The following CSMD1 variants were observed in gnomAD, a reference collection of about 807,000 sequenced individuals.
CSMD1 encodes the protein CUB and sushi domain-containing protein 1.
A neutral mutation model predicts 417.5 loss-of-function variants in CSMD1; 213 were observed. The observed-to-expected ratio is 0.51, with a 90% CI of 0.46 to 0.57. The LOEUF (loss-of-function observed/expected upper bound fraction) is 0.57, where lower values mean the gene tolerates loss of function less well. Among genes scored for constraint, CSMD1 ranks in the 20% least tolerant of loss-of-function variants. The pLI, the probability that CSMD1 is intolerant of heterozygous loss-of-function variation, is 0.00. For missense variants in CSMD1, 6,923 were observed against 4,529.7 expected (o/e 1.53, Z -15.17); for synonymous variants, 2,862 against 1,736.8 (o/e 1.65, Z -16.11).
At chr8:3,407,353 G>C (rs1258582397) in intron 14 of CSMD1, among the ~76,000 whole-genome samples, 2 of 151,784 alleles carry the variant, frequency 1.3e-5, no homozygotes, top group South Asian at 2.1e-4. Context: ...TGAATGGATG[G>C]ATGGAAAGAT....
chr8:4,702,402 G>C (rs1807623376), intron 1 of CSMD1, among the ~76,000 whole-genome samples: 1 of 152,140 alleles, frequency 6.6e-6, no homozygotes, highest in Non-Finnish European at 1.5e-5. Flanking sequence ...TTGAACAACA[G>C]TTTTGAAAAC....
intron 5 of CSMD1, among the ~76,000 whole-genome samples, chr8:3,851,147 C>T (rs1803878496): frequency 6.6e-6 from 1 of 152,098 alleles, no homozygotes; most frequent in African/African-American, 2.4e-5. Context: ...TTCTGAGGAG[C>T]TAATTTGTGA....
In CSMD1 at chr8:3,413,706, A is replaced by T. The variant is rs193148825; in HGVS notation, c.1562-4101T>A. On this transcript the variant is annotated intron_variant, in intron 12 of 69. Coordinates refer to ENST00000635120, the MANE Select transcript of CSMD1 (RefSeq NM_033225.6). ...AAATTATGGTGACAAAATTCACACA[A>T]GTTTTGCAATTTTATTTGAGGTTCA... Among the ~76,000 whole-genome samples, 7 of 152,314 alleles carry T rather than the reference A, an allele frequency of 4.6e-5. No individual in the cohort carries two copies. In the East Asian group the frequency reaches 1.4e-3, roughly 29 times the overall value.
intron 8 of CSMD1, among the ~76,000 whole-genome samples, chr8:3,601,122 C>T (rs1473585240): frequency 6.6e-6 from 1 of 152,176 alleles, no homozygotes; most frequent in Non-Finnish European, 1.5e-5. Flanking sequence ...TATATCACTG[C>T]TAGATGTAGG....
chr8:4,934,954 A>G (rs900023195), intron 1 of CSMD1, among the ~76,000 whole-genome samples: 1 of 152,142 alleles, frequency 6.6e-6, no homozygotes, highest in Admixed American at 6.6e-5. Flanking sequence ...AAATCCATCT[A>G]CCTGCCTATA....
At chr8:3,420,767 A>C (rs990093378) in intron 12 of CSMD1, among the ~76,000 whole-genome samples, 8 of 152,182 alleles carry the variant, frequency 5.3e-5, no homozygotes, top group Non-Finnish European at 1.5e-5. Context: ...TAAGACTTTG[A>C]ACATTCTATT....
chr8:3,977,038 A>T (rs1233066424), intron 5 of CSMD1, among the ~76,000 whole-genome samples: 1 of 152,166 alleles, frequency 6.6e-6, no homozygotes, highest in African/African-American at 2.4e-5. Context: ...GTGAGACGGG[A>T]TTACAACCAT....
intron 3 of CSMD1, among the ~76,000 whole-genome samples, chr8:4,283,398 T>C (rs991448615): frequency 4.6e-5 from 7 of 152,204 alleles, no homozygotes; most frequent in Non-Finnish European, 8.8e-5. Context: ...TGAAGTGAAT[T>C]AATTCTAAGA....
intron 5 of CSMD1, among the ~76,000 whole-genome samples, chr8:3,782,432 T>A (rs77336392): frequency 0.1 from 15,441 of 152,198 alleles, 1,054 homozygotes; most frequent in African/African-American, 0.19. Flanking sequence ...TCAACAACCC[T>A]GAATTCAGGA....
chr8:4,386,517 T>C (rs1057431327), intron 3 of CSMD1, among the ~76,000 whole-genome samples: 1 of 152,250 alleles, frequency 6.6e-6, no homozygotes, highest in Non-Finnish European at 1.5e-5. Context: ...TCCCATTGCT[T>C]GTCTAACTCT....
chr8:4,478,557 G>C (rs563207666), intron 2 of CSMD1, among the ~76,000 whole-genome samples: 3 of 152,050 alleles, frequency 2.0e-5, no homozygotes, highest in Non-Finnish European at 4.4e-5. Flanking sequence ...TTAATGTACC[G>C]ATATTGATGA....
At chr8:3,069,728 G>C (rs1257703320) in intron 49 of CSMD1, among the ~76,000 whole-genome samples, 2 of 152,112 alleles carry the variant, frequency 1.3e-5, no homozygotes, top group African/African-American at 2.4e-5. Context: ...AGGGTCTGGA[G>C]GGCAGTGATC....
intron 12 of CSMD1, among the ~76,000 whole-genome samples, chr8:3,428,724 A>T (rs1814014785): frequency 6.6e-6 from 1 of 152,170 alleles, no homozygotes; most frequent in Admixed American, 6.5e-5. Flanking sequence ...ACAGAAATGA[A>T]ATCAGTACAT....
intron 1 of CSMD1, among the ~76,000 whole-genome samples, chr8:4,640,466 C>T (rs997563587): frequency 6.6e-6 from 1 of 152,182 alleles, no homozygotes; most frequent in Non-Finnish European, 1.5e-5. Context: ...ATAAAATCCA[C>T]AAAGATATAG....
chr8:3,829,828 T>C (rs1326671672), intron 5 of CSMD1, among the ~76,000 whole-genome samples: 1 of 152,194 alleles, frequency 6.6e-6, no homozygotes, highest in Non-Finnish European at 1.5e-5. Flanking sequence ...AATAAGTTCG[T>C]TTTAAGAAAG....
intron 4 of CSMD1, among the ~76,000 whole-genome samples, chr8:4,000,053 G>C (rs1240318759): frequency 1.3e-5 from 2 of 152,356 alleles, no homozygotes; most frequent in South Asian, 2.1e-4. Flanking sequence ...ACTACAATTT[G>C]AAAACTGCAA....
chr8:4,204,400 A>C (rs1351020733), intron 3 of CSMD1, among the ~76,000 whole-genome samples: 1 of 152,188 alleles, frequency 6.6e-6, no homozygotes, highest in Non-Finnish European at 1.5e-5. Flanking sequence ...ACAAATTAGG[A>C]AAGATAGAAA....
chr8:3,981,646 A>C (rs937610568), intron 5 of CSMD1, among the ~76,000 whole-genome samples: 3 of 151,560 alleles, frequency 2.0e-5, no homozygotes, highest in African/African-American at 7.3e-5. Context: ...TCTTTTAATT[A>C]TGTCTCTTGT....
intron 62 of CSMD1, among the ~76,000 whole-genome samples, chr8:2,958,728 T>C (rs375896816): frequency 6.6e-6 from 1 of 152,234 alleles, no homozygotes; most frequent in African/African-American, 2.4e-5. Flanking sequence ...TCCTTAAAGC[T>C]TGACTTATGA....
Sources: allele counts gnomAD v4.1 joint callset (sites outside exome capture counted in the v4.1 genomes callset), GRCh38; gene constraint gnomAD v4.1.1; transcripts MANE v1.5; gene names NCBI Gene and HGNC (gene_info 2026-07-23, HGNC 2026-07-21).